The following NLRP5 variants were observed in gnomAD, a reference collection of about 807,000 sequenced individuals.
NLRP5 encodes the protein NACHT, LRR and PYD domains-containing protein 5.
In NLRP5, 93 loss-of-function variants were observed where a neutral mutation model predicts 113.1. The observed-to-expected ratio is 0.82, with a 90% CI of 0.70 to 0.98. The LOEUF (loss-of-function observed/expected upper bound fraction) is 0.98. NLRP5 is among the 50% of genes least tolerant of loss of function. The pLI, the probability that NLRP5 is intolerant of heterozygous loss-of-function variation, is 0.00. For missense variants in NLRP5, 1,808 were observed against 1,514.3 expected, an observed-to-expected ratio of 1.19 and a Z score of -3.22; for synonymous variants, 751 against 600.7, an observed-to-expected ratio of 1.25 and a Z score of -3.66.
At chr19:56,038,660 A>T (rs911973439) in intron 10 of NLRP5, among the ~76,000 whole-genome samples, 8 of 152,040 alleles carry the variant, frequency 5.3e-5, no homozygotes, top group African/African-American at 1.7e-4. Flanking sequence ...CTCAAAAAGG[A>T]GGAGGGTCAC....
At chr19:56,043,675 C>T (rs1983608977) in intron 11 of NLRP5, among the ~76,000 whole-genome samples, 1 of 149,716 alleles carries the variant, frequency 6.7e-6, no homozygotes. Context: ...ATGCCATTCT[C>T]CTGCCTCAGC....
At chr19:56,046,399 C>CGTGTGTGTGTGTGTGTGTGTGTGTGT (rs139653516) in intron 11 of NLRP5, among the ~76,000 whole-genome samples, 38 of 148,176 alleles carry the variant, frequency 2.6e-4, no homozygotes, top group Middle Eastern at 3.5e-3. Flanking sequence ...TTTGTAGTTT[C>CGTGTGTGTGTGTGTGTGTGTGTGTGT]GTGTGTGTGT....
At chr19:56,044,736 T>C (rs748860487) in intron 11 of NLRP5, among the ~76,000 whole-genome samples, 5 of 152,238 alleles carry the variant, frequency 3.3e-5, no homozygotes, top group Non-Finnish European at 5.9e-5. Flanking sequence ...TGTTTAATTC[T>C]GTGAAGAATG....
At chr19:56,002,543 C>T (rs1193035295) in intron 1 of NLRP5, among the ~76,000 whole-genome samples, 1 of 151,364 alleles carries the variant, frequency 6.6e-6, no homozygotes, top group East Asian at 1.9e-4. Context: ...TATACACGTG[C>T]CATGTTGGTG....
intron 11 of NLRP5, among the ~76,000 whole-genome samples, chr19:56,043,647 G>A (rs550770984): frequency 1.5e-5 from 2 of 132,930 alleles, no homozygotes; most frequent in East Asian, 2.5e-4. Context: ...GTCACTGCAA[G>A]CTCTGCCTCC....
At chr19:56,014,209 C>T (rs1032335476) in intron 3 of NLRP5, among the ~76,000 whole-genome samples, 12 of 152,024 alleles carry the variant, frequency 7.9e-5, no homozygotes, top group Admixed American at 3.9e-4. Flanking sequence ...CAGCTGGGTA[C>T]GGTGGCTTAC....
At chr19:56,015,902 ATCC>A in intron 4 of NLRP5, 104 bp downstream of exon 4, 1 of 820,286 alleles carries the variant, frequency 1.2e-6, no homozygotes, top group Non-Finnish European at 1.9e-6. Flanking sequence ...CCCTTTCTTC[ATCC>A]TCATTTGTCT....
chr19:56,007,595 T>C (rs1206322842), intron 2 of NLRP5, among the ~76,000 whole-genome samples: 1 of 148,066 alleles, frequency 6.8e-6, no homozygotes, highest in Non-Finnish European at 1.5e-5. Context: ...ACGGAGGGAC[T>C]AGAAGTCAGA....
intron 1 of NLRP5, among the ~76,000 whole-genome samples, chr19:56,003,098 A>G (rs1043322484): frequency 2.6e-5 from 4 of 151,518 alleles, no homozygotes; most frequent in Non-Finnish European, 4.4e-5. Context: ...CAGCCATCCC[A>G]TTACTGGGTA....
intron 12 of NLRP5, among the ~76,000 whole-genome samples, chr19:56,052,971 C>T (rs1378994136): frequency 6.6e-6 from 1 of 152,244 alleles, no homozygotes; most frequent in Admixed American, 6.5e-5. Context: ...GTGGCACATG[C>T]CTGTAATCCC....
At position 56,013,596 on chromosome 19, in the gene NLRP5, G is replaced by GGTTTTTTTTTTTTTT. The variant is rs1555765383; in HGVS notation, c.509-2146_509-2145insGTTTTTTTTTTTTTT. On this transcript the variant is annotated intron_variant, in intron 3 of 14. Transcript: ENST00000390649. ...CATTTATCACATGATGGACATTTGGGTTTTTTTTTTTTTTTTTTTTTGCTA... is the reference window on the plus strand; with the variant it reads ...CATTTATCACATGATGGACATTTGGGGTTTTTTTTTTTTTTTTTTTTTTTTTTTTTTTTTTTGCTA... Among the ~76,000 whole-genome samples, 138 of 59,274 alleles carry GGTTTTTTTTTTTTTT rather than the reference G, an allele frequency of 2.3e-3. 18 individuals carry two copies. The highest frequency in any genetic ancestry group is 4.3e-3 in the South Asian group (7 of 1,636). The allele number at this position is 59,274 out of a possible 152,430, so 38.9% of individuals were successfully genotyped here. A position where few individuals can be genotyped will look rare whatever the true frequency, so the allele number is the denominator to read the frequency against.
chr19:56,005,625 TAC>T (rs147776319), intron 2 of NLRP5, among the ~76,000 whole-genome samples: 3,800 of 139,088 alleles, frequency 0.027, 102 homozygotes, highest in Middle Eastern at 0.039. Flanking sequence ...TATATATTTA[TAC>T]ACACACACAC....
chr19:56,025,826 C>T (rs137935618), intron 6 of NLRP5, among the ~76,000 whole-genome samples: 4 of 151,118 alleles, frequency 2.6e-5, no homozygotes, highest in East Asian at 3.9e-4. Flanking sequence ...TACATGCATC[C>T]GTGGCTCCCT....
chr19:55,990,079 C>CTTTTTTTTTTTTTTTTTTTTTTTT, the NLRP5 span, among the ~76,000 whole-genome samples: 1 of 95,958 alleles, frequency 1.0e-5, no homozygotes, highest in African/African-American at 4.0e-5. Flanking sequence ...TTTCTTTTTT[C>CTTTTTTTTTTTTTTTTTTTTTTTT]TTTTTTTTTT....
intron 14 of NLRP5, among the ~76,000 whole-genome samples, chr19:56,059,570 T>C (rs934274171): frequency 3.3e-5 from 5 of 152,240 alleles, no homozygotes; most frequent in African/African-American, 9.6e-5. Flanking sequence ...TCTCACTCTG[T>C]TGCCTCCAGG....
At chr19:56,013,972 C>A (rs889926337) in intron 3 of NLRP5, among the ~76,000 whole-genome samples, 2 of 151,882 alleles carry the variant, frequency 1.3e-5, no homozygotes, top group Non-Finnish European at 2.9e-5. Context: ...ATATTCAAAT[C>A]CTTGGTCCTT....
At chr19:56,007,641 T>C (rs1478478646) in intron 2 of NLRP5, among the ~76,000 whole-genome samples, 1 of 151,078 alleles carries the variant, frequency 6.6e-6, no homozygotes, top group African/African-American at 2.5e-5. Context: ...TAATAGCAAG[T>C]AGAAGCAATT....
chr19:56,012,329 T>C (rs1439949863), intron 3 of NLRP5, among the ~76,000 whole-genome samples: 2 of 151,940 alleles, frequency 1.3e-5, no homozygotes, highest in South Asian at 4.1e-4. Flanking sequence ...TTTGTATTTT[T>C]AGTAGAGATG....
rs768664513 is a variant in NLRP5 at position 56,032,587 on chromosome 19, A to G, written c.2277-24A>G. 4 of 1,601,936 alleles carry G rather than the reference A, an allele frequency of 2.5e-6. No homozygotes were observed. In the East Asian group the frequency reaches 6.7e-5, roughly 27 times the overall value. On this transcript the variant is annotated intron_variant, in intron 7 of 14. Coordinates refer to ENST00000390649, the MANE Select transcript of NLRP5 (RefSeq NM_153447.4). ...ATGTTAAACTCCATCCCATGAGCCC[A>G]TGTTTCTATCCCCCCTGACATAGGA...
Sources: gnomAD v4.1 joint callset for allele counts (sites outside exome capture counted in the v4.1 genomes callset) on GRCh38, gnomAD v4.1.1 for gene constraint, MANE v1.5 for transcripts, NCBI Gene and HGNC (gene_info 2026-07-23, HGNC 2026-07-21) for gene names.